The following TTC28 variants were observed in gnomAD, a reference collection of about 807,000 sequenced individuals.
The protein encoded by TTC28 is tetratricopeptide repeat domain 28.
Under a neutral mutation model 198.0 loss-of-function variants are expected in TTC28, and 61 were observed. The observed-to-expected ratio is 0.31, with a 90% CI of 0.25 to 0.38. The LOEUF (loss-of-function observed/expected upper bound fraction) is 0.38. TTC28 is among the 10% of genes least tolerant of loss of function. The pLI is 1.00. For missense variants in TTC28, 2,678 were observed against 3,164.0 expected (o/e 0.85, Z 3.69); for synonymous variants, 1,171 against 1,297.8 (o/e 0.90, Z 2.10).
In TTC28 at chr22:28,351,026, C is replaced by CA. The variant is rs538855240; in HGVS notation, c.382-44384dup. Among the ~76,000 whole-genome samples the CA allele has an allele frequency of 1.1e-4, 16 of 151,946 alleles. 1 individual carries two copies. Among genetic ancestry groups the CA allele is most frequent in the African/African-American group, 3.4e-4 (14 of 41,486 alleles). On this transcript the variant is annotated intron_variant, in intron 2 of 22. Coordinates refer to ENST00000397906, the MANE Select transcript of TTC28 (RefSeq NM_001145418.2). ...TGAAACCCTGTCTCTACTAAAAATA[C>CA]AAAAAAATTAGCTGGGTGTGGTGGC...
At chr22:28,020,676 G>A (rs749466902) in intron 13 of TTC28, among the ~76,000 whole-genome samples, 4 of 152,192 alleles carry the variant, frequency 2.6e-5, no homozygotes, top group Non-Finnish European at 5.9e-5. Context: ...GAGCGAGGAT[G>A]AGCCTGTGTG....
intron 5 of TTC28, among the ~76,000 whole-genome samples, chr22:28,236,517 T>C (rs1417355681): frequency 1.3e-5 from 2 of 152,116 alleles, no homozygotes; most frequent in Non-Finnish European, 2.9e-5. Flanking sequence ...ACACTGGTAA[T>C]AGGTGGCATA....
At chr22:28,334,745 T>C (rs2045679728) in intron 2 of TTC28, among the ~76,000 whole-genome samples, 1 of 152,206 alleles carries the variant, frequency 6.6e-6, no homozygotes, top group Non-Finnish European at 1.5e-5. Context: ...ATTCTGGATA[T>C]TACCCCTTTG....
At chr22:28,024,695 C>T (rs776073640) in intron 13 of TTC28, among the ~76,000 whole-genome samples, 79 of 152,232 alleles carry the variant, frequency 5.2e-4, no homozygotes, top group Admixed American at 8.5e-4. Flanking sequence ...TGGGGCAATT[C>T]ACCTTGCTGA....
chr22:28,209,595 G>A (rs1163201521), intron 5 of TTC28, among the ~76,000 whole-genome samples: 3 of 152,296 alleles, frequency 2.0e-5, no homozygotes, highest in South Asian at 2.1e-4. Flanking sequence ...GGGGAGGGGC[G>A]TCTGCCATTG....
chr22:28,537,642 A>C (rs1182275564), intron 2 of TTC28, among the ~76,000 whole-genome samples: 2 of 152,182 alleles, frequency 1.3e-5, no homozygotes, highest in Non-Finnish European at 2.9e-5. Context: ...AATTTTGTAC[A>C]TGTTTACAAA....
chr22:28,497,370 A>T (rs1002946728), intron 2 of TTC28, among the ~76,000 whole-genome samples: 1 of 152,228 alleles, frequency 6.6e-6, no homozygotes, highest in South Asian at 2.1e-4. Flanking sequence ...AAAAGTAATG[A>T]CTTACTACAT....
In TTC28 at chr22:28,131,750, G is replaced by A. The variant is rs150479734; in HGVS notation, c.1442-23347C>T. Among the ~76,000 whole-genome samples, 139 of 152,250 alleles carry A rather than the reference G, an allele frequency of 9.1e-4. 1 individual carries two copies. Among genetic ancestry groups the A allele is most frequent in the Middle Eastern group, 3.4e-3 (1 of 294 alleles). ...TTCATCTGTAAAATGGTGGTAATAC[G>A]TATTAGAAAGGGTTGTTTTATGGAT... is the stretch of plus-strand genomic sequence containing the variant. On this transcript the variant is annotated intron_variant, in intron 6 of 22. Transcript: ENST00000397906.
At chr22:28,309,662 A>G (rs866008959) in intron 2 of TTC28, among the ~76,000 whole-genome samples, 19 of 152,208 alleles carry the variant, frequency 1.2e-4, no homozygotes, top group African/African-American at 4.3e-4. Context: ...CGGACGCAGT[A>G]TATGTGCAGC....
intron 5 of TTC28, among the ~76,000 whole-genome samples, chr22:28,257,149 G>T (rs1184123059): frequency 6.6e-6 from 1 of 152,180 alleles, no homozygotes; most frequent in Non-Finnish European, 1.5e-5. Context: ...TACACTGTTG[G>T]TGGGAATGTA....
chr22:28,295,341 TCTG>T (rs2044872961), intron 5 of TTC28, among the ~76,000 whole-genome samples: 2 of 152,232 alleles, frequency 1.3e-5, no homozygotes, highest in Admixed American at 1.3e-4. Flanking sequence ...TTTTGTTGCC[TCTG>T]CTATTAACCT....
In TTC28 at chr22:27,981,229, A is replaced by ATTTTTTTTTTTTTTTTTTTTTTTTTTTT. The variant is rs1937001603; in HGVS notation, c.*991_*992insAAAAAAAAAAAAAAAAAAAAAAAAAAAA. On this transcript the variant is annotated 3_prime_UTR_variant, in exon 23 of 23. Coordinates refer to ENST00000397906, the MANE Select transcript of TTC28 (RefSeq NM_001145418.2). ...CTGGTTAAATCTAGTTAGCCATGGA[A>ATTTTTTTTTTTTTTTTTTTTTTTTTTTT]ATTTTTTTTTTTTTTTTTTTTTTTT... 1.4e-5 allele frequency: 1 copy of ATTTTTTTTTTTTTTTTTTTTTTTTTTTT among 72,686 alleles called. No homozygotes were observed. Among genetic ancestry groups the ATTTTTTTTTTTTTTTTTTTTTTTTTTTT allele is most frequent in the Non-Finnish European group, 2.9e-5 (1 of 34,182 alleles). 4.5% of individuals were successfully genotyped at this position (72,686 alleles called of 1,614,324 possible). A position where few individuals can be genotyped will look rare whatever the true frequency, so the allele number is the denominator to read the frequency against.
chr22:28,076,044 A>C (rs1375574918), intron 12 of TTC28, among the ~76,000 whole-genome samples: 2 of 152,380 alleles, frequency 1.3e-5, no homozygotes, highest in East Asian at 1.9e-4. Flanking sequence ...CTATTTTAGA[A>C]TGAAATTGGA....
At chr22:28,009,842 G>T (rs1289528830) in intron 14 of TTC28, among the ~76,000 whole-genome samples, 1 of 152,240 alleles carries the variant, frequency 6.6e-6, no homozygotes, top group African/African-American at 2.4e-5. Context: ...GGGATGGAGA[G>T]GACTCCTAAT....
At chr22:28,247,832 G>C (rs539814539) in intron 5 of TTC28, among the ~76,000 whole-genome samples, 10 of 152,304 alleles carry the variant, frequency 6.6e-5, no homozygotes, top group African/African-American at 2.4e-4. Context: ...AGAAGGGGAT[G>C]AGGCTGCAGA....
chr22:28,556,701 G>C (rs950142001), intron 2 of TTC28, among the ~76,000 whole-genome samples: 1 of 152,204 alleles, frequency 6.6e-6, no homozygotes, highest in Admixed American at 6.5e-5. Flanking sequence ...CAGCTTAGCT[G>C]GCTGATTCTG....
intron 2 of TTC28, among the ~76,000 whole-genome samples, chr22:28,315,629 G>GA (rs1206060427): frequency 6.6e-6 from 1 of 152,100 alleles, no homozygotes; most frequent in Non-Finnish European, 1.5e-5. Context: ...GCCATTTATT[G>GA]AAAAGAGTAA....
At chr22:28,108,810 A>G (rs953239711) in intron 6 of TTC28, among the ~76,000 whole-genome samples, 3 of 152,268 alleles carry the variant, frequency 2.0e-5, no homozygotes, top group African/African-American at 7.2e-5. Flanking sequence ...GTTAGCAGAC[A>G]ACTCACATCC....
At chr22:28,237,425 T>C (rs1035086689) in intron 5 of TTC28, among the ~76,000 whole-genome samples, 3 of 152,218 alleles carry the variant, frequency 2.0e-5, no homozygotes, top group Non-Finnish European at 2.9e-5. Flanking sequence ...GAAAGACTGC[T>C]AGGGTTTACA....
Sources: allele counts gnomAD v4.1 joint callset (sites outside exome capture counted in the v4.1 genomes callset), GRCh38; gene constraint gnomAD v4.1.1; transcripts MANE v1.5; gene names NCBI Gene and HGNC (gene_info 2026-07-23, HGNC 2026-07-21).